Variants in MIGA1 observed in about 807,000 individuals in gnomAD.
MIGA1 encodes the protein family with sequence similarity 73, member A.
MIGA1 carries 58 observed loss-of-function variants against 82.0 expected under a neutral mutation model. The observed-to-expected ratio is 0.71, with a 90% CI of 0.57 to 0.88. The LOEUF (loss-of-function observed/expected upper bound fraction) is 0.88, where lower values mean the gene tolerates loss of function less well. Among genes scored for constraint, MIGA1 ranks in the 40% least tolerant of loss-of-function variants. The pLI is 0.00. For synonymous variants in MIGA1, 249 were observed against 253.6 expected (o/e 0.98, Z 0.17); for missense variants, 751 against 749.1 (o/e 1.00, Z -0.03).
At chr1:77,818,226 C>T (rs1213018152) in intron 7 of MIGA1, among the ~76,000 whole-genome samples, 4 of 151,510 alleles carry the variant, frequency 2.6e-5, no homozygotes, top group South Asian at 2.1e-4. Flanking sequence ...CAGGTTCAAG[C>T]GATTCTCCTG....
chr1:77,812,745 T>C (rs1260020765), intron 5 of MIGA1, among the ~76,000 whole-genome samples: 2 of 152,192 alleles, frequency 1.3e-5, no homozygotes, highest in Non-Finnish European at 2.9e-5. Flanking sequence ...AGAAAAGGAA[T>C]CACATGTTCA....
intron 14 of MIGA1, among the ~76,000 whole-genome samples, chr1:77,870,323 C>T (rs1310285986): frequency 1.8e-5 from 2 of 113,948 alleles, no homozygotes; most frequent in African/African-American, 3.2e-5. Context: ...CCTCACTTCT[C>T]AGACGGGGCG....
intron 7 of MIGA1, among the ~76,000 whole-genome samples, chr1:77,820,756 T>C (rs1319262708): frequency 6.6e-6 from 1 of 152,228 alleles, no homozygotes; most frequent in East Asian, 1.9e-4. Flanking sequence ...AAATTTCTTC[T>C]GTCCTTCTCA....
chr1:77,878,516 C>A lies in MIGA1; in HGVS notation c.*3452C>A, dbSNP rs1018392497. ...TTAGTTTAGAGCCTTTTAGGGTAAA[C>A]CCTGTTTAAACACTTAATCATGGAA... On this transcript the variant is annotated 3_prime_UTR_variant, in exon 16 of 16. Transcript: ENST00000370791. 1.3e-5 allele frequency: 3 copies of A among 222,666 alleles called. No individual in the cohort carries two copies. The highest frequency in any genetic ancestry group is 8.6e-5 in the East Asian group (1 of 11,596). 13.8% of individuals were successfully genotyped at this position (222,666 alleles called of 1,614,324 possible).
Position 77,861,333 on chromosome 1 carries a change from AT to A in MIGA1, c.1374+17del, listed in dbSNP as rs778843295. The A allele has an allele frequency of 1.3e-6, 2 of 1,509,370 alleles. No homozygotes were observed. The highest frequency in any genetic ancestry group is 1.2e-5 in the South Asian group (1 of 86,772). The allele number at this position is 1,509,370 out of a possible 1,614,324, so 93.5% of individuals were successfully genotyped here. On this transcript the variant is annotated intron_variant, in intron 12 of 15. Transcript: ENST00000370791. Reference sequence around the variant, plus strand: ...CTTGCTGCTAGAGGGGTAAATTCAAATTTTTTGTGATATTTATTTTTCTTAG... The same window carrying A: ...CTTGCTGCTAGAGGGGTAAATTCAAATTTTTGTGATATTTATTTTTCTTAG...
chr1:77,804,006 A>G (rs1187202194), intron 4 of MIGA1, among the ~76,000 whole-genome samples: 2 of 152,210 alleles, frequency 1.3e-5, no homozygotes, highest in African/African-American at 4.8e-5. Flanking sequence ...CATGTTGTAT[A>G]TATCAAAATG....
chr1:77,848,983 T>C (rs1684943988), intron 8 of MIGA1, among the ~76,000 whole-genome samples: 1 of 152,222 alleles, frequency 6.6e-6, no homozygotes, highest in Admixed American at 6.5e-5. Flanking sequence ...ATGTGGATGT[T>C]TGGCTGAATT....
chr1:77,799,389 T>C (rs972285532), intron 2 of MIGA1, among the ~76,000 whole-genome samples: 3 of 152,226 alleles, frequency 2.0e-5, no homozygotes, highest in African/African-American at 7.2e-5. Context: ...TAAGATAGGC[T>C]AGTTTAAGCC....
chr1:77,831,414 T>A (rs967159105), intron 7 of MIGA1, among the ~76,000 whole-genome samples: 6 of 152,006 alleles, frequency 3.9e-5, no homozygotes, highest in African/African-American at 1.2e-4. Context: ...GTCTATGCTA[T>A]GTAGGTAATT....
At chr1:77,863,463 A>G (rs1236487367) in intron 12 of MIGA1, among the ~76,000 whole-genome samples, 1 of 152,180 alleles carries the variant, frequency 6.6e-6, no homozygotes, top group Non-Finnish European at 1.5e-5. Flanking sequence ...ACTATACTCT[A>G]GGCGTCTAAT....
chr1:77,805,554 G>C (rs1683066850), intron 4 of MIGA1, among the ~76,000 whole-genome samples: 1 of 141,740 alleles, frequency 7.1e-6, no homozygotes, highest in African/African-American at 2.6e-5. Context: ...TTTTGAGATG[G>C]AATCTCACTC....
At chr1:77,811,415 G>C (rs1683322905) in intron 5 of MIGA1, 1 of 1,585,602 alleles carries the variant, frequency 6.3e-7, no homozygotes, top group Admixed American at 1.7e-5. Context: ...TCTTCACCAG[G>C]TGCCAAAATT....
At chr1:77,798,443 G>A (rs570435092) in intron 2 of MIGA1, among the ~76,000 whole-genome samples, 13 of 152,316 alleles carry the variant, frequency 8.5e-5, no homozygotes, top group Admixed American at 2.6e-4. Context: ...CAAAAGGTGC[G>A]TCTTCCATGG....
At chr1:77,797,561 A>G (rs1176741167) in intron 2 of MIGA1, among the ~76,000 whole-genome samples, 1 of 152,130 alleles carries the variant, frequency 6.6e-6, no homozygotes, top group East Asian at 1.9e-4. Context: ...TATGTTGTTT[A>G]TGTAGATCAA....
intron 7 of MIGA1, among the ~76,000 whole-genome samples, chr1:77,818,934 G>C (rs1315617937): frequency 6.6e-6 from 1 of 151,846 alleles, no homozygotes; most frequent in Non-Finnish European, 1.5e-5. Flanking sequence ...ACAAAAATTA[G>C]CTGGGCATGG....
chr1:77,790,776 T>C (rs1269148406), intron 2 of MIGA1, among the ~76,000 whole-genome samples: 1 of 151,066 alleles, frequency 6.6e-6, no homozygotes, highest in African/African-American at 2.4e-5. Context: ...TTAGTAGAGA[T>C]GGGGTTTCAC....
chr1:77,817,731 A>G (rs187897220), intron 7 of MIGA1, among the ~76,000 whole-genome samples: 4 of 152,308 alleles, frequency 2.6e-5, no homozygotes, highest in African/African-American at 9.6e-5. Flanking sequence ...CTCATTCTTT[A>G]AATCCAAAAT....
At chr1:77,869,040 TAAAC>T (rs1413969840) in intron 14 of MIGA1, among the ~76,000 whole-genome samples, 1 of 151,940 alleles carries the variant, frequency 6.6e-6, no homozygotes, top group African/African-American at 2.4e-5. Flanking sequence ...GGTCAGTAGA[TAAAC>T]AAGTGAACAA....
At chr1:77,795,859 C>T (rs1682632739) in intron 2 of MIGA1, among the ~76,000 whole-genome samples, 1 of 151,434 alleles carries the variant, frequency 6.6e-6, no homozygotes, top group Admixed American at 6.6e-5. Context: ...GTCTGGAACT[C>T]CTGACCTCAA....
Sources: allele counts gnomAD v4.1 joint callset (sites outside exome capture counted in the v4.1 genomes callset), GRCh38; gene constraint gnomAD v4.1.1; transcripts MANE v1.5; gene names NCBI Gene and HGNC (gene_info 2026-07-23, HGNC 2026-07-21).